TPR: variants seen among roughly 807,000 people sequenced by gnomAD.
TPR encodes the protein nucleoprotein TPR.
TPR carries 51 observed loss-of-function variants against 316.1 expected under a neutral mutation model. The ratio of observed to expected loss-of-function variants is 0.16; its 90% CI spans 0.13 to 0.20. The LOEUF (loss-of-function observed/expected upper bound fraction) is 0.20, where lower values mean the gene tolerates loss of function less well. Ranked by LOEUF, TPR falls within the 10% of genes least tolerant of loss-of-function variation. The pLI, the probability that TPR is intolerant of heterozygous loss-of-function variation, is 1.00. For synonymous variants in TPR, 981 were observed against 914.7 expected (o/e 1.07, Z -1.31); for missense variants, 2,272 against 2,754.8 (o/e 0.82, Z 3.92).
At chr1:186,341,874 T>C (rs1303333259) in intron 27 of TPR, 2 of 151,900 alleles carry the variant, frequency 1.3e-5, no homozygotes, top group African/African-American at 5.0e-5. Context: ...CTGCACTTGG[T>C]ATTACTTTCT....
chr1:186,325,975 A>T (rs529375967), intron 41 of TPR, 121 bp from the exon 42 acceptor site: 3 of 1,558,766 alleles, frequency 1.9e-6, no homozygotes, highest in Non-Finnish European at 2.6e-6. Flanking sequence ...ACAACAAAAA[A>T]CAAAACAAAT....
rs766353558 is a variant in TPR, at chr1:186,353,693, C to T, written c.2329G>A (p.Ala777Thr). 23 of 1,612,922 alleles carry T rather than the reference C, an allele frequency of 1.4e-5. No homozygotes were observed. Among genetic ancestry groups the T allele is most frequent in the African/African-American group, 5.3e-5 (4 of 74,880 alleles). ...LRGANEKLAV[A>T]EVRAENLKKE... ...ACAAGGGATATTGGACTCACTTCTG[C>T]GACAGCTAGCTTCTCATTTGCTCCT... The change falls in exon 18 of 51, where the codon GCA (alanine) becomes ACA (threonine). Residue 777 changes from alanine to threonine, a missense_variant. This residue lies in a region of TPR where 757 missense variants were observed against 859.8 expected (regional missense o/e 0.88). Transcript: ENST00000367478.
intron 18 of TPR, among the ~76,000 whole-genome samples, chr1:186,352,871 C>T (rs1274473879): frequency 6.6e-6 from 1 of 151,998 alleles, no homozygotes; most frequent in Non-Finnish European, 1.5e-5. Flanking sequence ...GACAACTATA[C>T]CTAGCTTACA....
At chr1:186,353,155 G>A (rs1255637312) in intron 18 of TPR, among the ~76,000 whole-genome samples, 2 of 152,118 alleles carry the variant, frequency 1.3e-5, no homozygotes, top group East Asian at 3.9e-4. Flanking sequence ...GGCAAATCAC[G>A]AGGTCAGTAG....
chr1:186,327,183 AAATATATATTATATATTTATATATAT>A (rs1387094564), intron 40 of TPR, among the ~76,000 whole-genome samples: 2 of 21,072 alleles, frequency 9.5e-5, no homozygotes, highest in African/African-American at 2.0e-4. Flanking sequence ...TTATATATAT[AAATATATATTATATATTTATATATAT>A]AATATATATA....
chr1:186,374,478 T>C (rs1229270018), intron 1 of TPR, among the ~76,000 whole-genome samples: 2 of 152,156 alleles, frequency 1.3e-5, no homozygotes, highest in Admixed American at 1.3e-4. Context: ...CACAGAGTGG[T>C]CAATTTGGCA....
chr1:186,340,957 ATTCCCCTAAGT>A (rs1658492158), intron 29 of TPR, 60 bp downstream of exon 29: 1 of 1,541,570 alleles, frequency 6.5e-7, no homozygotes, highest in Non-Finnish European at 8.7e-7. Flanking sequence ...AAATATTTTT[ATTCCCCTAAGT>A]TTCCCCTATT....
At chr1:186,362,482 C>G in intron 6 of TPR, 102 bp from the exon 7 acceptor site, 1 of 824,164 alleles carries the variant, frequency 1.2e-6, no homozygotes, top group Non-Finnish European at 1.9e-6. Context: ...AACTCCCCCT[C>G]CCCACCTGAA....
At chr1:186,339,613 TA>T (rs765178044) in intron 30 of TPR, 28 bp downstream of exon 30, 45 of 1,490,006 alleles carry the variant, frequency 3.0e-5, no homozygotes, top group Middle Eastern at 2.1e-4. Flanking sequence ...TTTTATATTA[TA>T]TATGATTTAA....
chr1:186,351,935 C>T lies in TPR; in HGVS notation c.2469+41G>A, dbSNP rs754050500. On this transcript the variant is annotated intron_variant, in intron 19 of 50. Transcript: ENST00000367478. ...GAGGATAAAAAAAATCTAAATTTAA[C>T]TTTTATACATTTTTTCTACATAGGC... 5 of 1,550,736 alleles carry T rather than the reference C, an allele frequency of 3.2e-6. No individual in the cohort carries two copies. The African/African-American group carries it at 7.0e-5, about 22-fold the overall frequency.
intron 18 of TPR, among the ~76,000 whole-genome samples, chr1:186,352,347 T>C (rs904030846): frequency 6.6e-6 from 1 of 152,184 alleles, no homozygotes; most frequent in African/African-American, 2.4e-5. Flanking sequence ...GGTTCCTTGC[T>C]CTAACAATCC....
intron 21 of TPR, among the ~76,000 whole-genome samples, chr1:186,347,875 T>C (rs1311191633): frequency 1.3e-5 from 2 of 152,198 alleles, no homozygotes; most frequent in African/African-American, 4.8e-5. Context: ...ATTTATCAGT[T>C]CTCAAATAAT....
chr1:186,347,450 T>A lies in TPR; in HGVS notation c.2785A>T (p.Ser929Cys). 1 of 1,613,790 alleles carries A rather than the reference T, an allele frequency of 6.2e-7. No individual in the cohort carries two copies. The highest frequency in any genetic ancestry group is 8.5e-7 in the Non-Finnish European group (1 of 1,179,886). ...SSQRTGKGQP[S>C]NKEDVDDLVS... The stretch of plus-strand genomic sequence containing the variant: ...AGATCATCCACATCTTCTTTGTTGC[T>A]AGGCTGACCTAAAAGACATAACAGC... Residue 929 changes from serine (S) to cysteine (C), a missense_variant, in exon 22 of 51, where the codon AGC becomes TGC. Transcript: ENST00000367478.
intron 49 of TPR, among the ~76,000 whole-genome samples, chr1:186,315,212 A>C (rs1268660674): frequency 6.6e-6 from 1 of 150,468 alleles, no homozygotes; most frequent in African/African-American, 2.5e-5. Context: ...GTCTCAAAAA[A>C]AAAACAAACA....
intron 4 of TPR, among the ~76,000 whole-genome samples, chr1:186,365,385 C>T (rs751528662): frequency 4.0e-5 from 6 of 149,642 alleles, no homozygotes; most frequent in East Asian, 2.3e-4. Flanking sequence ...CATGAGCCAC[C>T]GTACCTGGCC....
At chr1:186,346,699 GTATCT>G (rs1437026955) in intron 22 of TPR, among the ~76,000 whole-genome samples, 4 of 151,712 alleles carry the variant, frequency 2.6e-5, no homozygotes, top group Non-Finnish European at 5.9e-5. Flanking sequence ...AATGAACACG[GTATCT>G]TCCAATCTAC....
intron 5 of TPR, among the ~76,000 whole-genome samples, 167 bp from the exon 6 acceptor site, chr1:186,363,168 A>G (rs532293630): frequency 3.3e-5 from 5 of 152,228 alleles, no homozygotes; most frequent in Admixed American, 3.3e-4. Flanking sequence ...ACAAACTTAA[A>G]TTTCAAACAA....
chr1:186,320,048 C>T (rs546913646), intron 46 of TPR, among the ~76,000 whole-genome samples: 36 of 152,134 alleles, frequency 2.4e-4, no homozygotes, highest in East Asian at 1.3e-3. Context: ...ACTTAAACTA[C>T]GTGTATGACA....
At chr1:186,347,223 C>T (rs1026558818) in intron 22 of TPR, 69 bp downstream of exon 22, 27 of 1,549,696 alleles carry the variant, frequency 1.7e-5, no homozygotes, top group Non-Finnish European at 2.1e-5. Flanking sequence ...AAAAAGCAGT[C>T]CTCTAGTTAC....
Sources: gnomAD v4.1 joint callset for allele counts (sites outside exome capture counted in the v4.1 genomes callset) on GRCh38, gnomAD v4.1.1 for gene constraint, gnomAD v4.1.1 regional missense constraint, MANE v1.5 for transcripts, NCBI Gene and HGNC (gene_info 2026-07-23, HGNC 2026-07-21) for gene names.